Variants in USP9X observed in about 807,000 individuals in gnomAD.
USP9X encodes ubiquitin carboxyl-terminal hydrolase 9X.
Under a neutral mutation model 190.3 loss-of-function variants are expected in USP9X, and 7 were observed. The ratio of observed to expected loss-of-function variants is 0.04; its 90% CI spans 0.02 to 0.07. The LOEUF (loss-of-function observed/expected upper bound fraction) is 0.07, where lower values mean the gene tolerates loss of function less well. USP9X is among the 10% of genes least tolerant of loss of function. The pLI, the probability that USP9X is intolerant of heterozygous loss-of-function variation, is 1.00. For missense variants in USP9X, 1,010 were observed against 1,916.9 expected (o/e 0.53, Z 8.83); for synonymous variants, 645 against 659.5 (o/e 0.98, Z 0.34).
chrX:41,086,635 C>A (rs1001095965), intron 1 of USP9X, among the ~76,000 whole-genome samples: 1 of 112,376 alleles, frequency 8.9e-6, no homozygotes, highest in Non-Finnish European at 1.9e-5. Context: ...CGCCTCCCCC[C>A]ACCCTCCCGC....
At chrX:41,156,671 G>A (rs886112614) in intron 14 of USP9X, among the ~76,000 whole-genome samples, 3 of 111,751 alleles carry the variant, frequency 2.7e-5, no homozygotes, top group South Asian at 3.7e-4. Context: ...ATAATTTTGG[G>A]AGAAGTTAGC....
At chrX:41,091,427 G>A (rs1428576060) in intron 1 of USP9X, among the ~76,000 whole-genome samples, 1 of 111,789 alleles carries the variant, frequency 8.9e-6, no homozygotes, top group Non-Finnish European at 1.9e-5. Context: ...TCTCTATACA[G>A]TGTGTTTTTC....
chrX:41,095,367 T>C (rs780002672), intron 1 of USP9X, among the ~76,000 whole-genome samples: 24 of 110,911 alleles, frequency 2.2e-4, no homozygotes, highest in Admixed American at 1.1e-3. Context: ...TCAGGCAGGG[T>C]TTTTTAACCC....
At position 41,163,435 on chromosome X, in the gene USP9X, C is replaced by G. The variant is rs771318328; in HGVS notation, c.1985+558C>G. On this transcript the variant is annotated intron_variant, in intron 15 of 44. Transcript: ENST00000378308. ...TAGCGTTTGGTGATCATACACTTAA[C>G]AGATGTGCAAAGTGCCTTTGTTAAA... 9.4e-3 allele frequency among the ~76,000 whole-genome samples: 1,043 copies of G among 110,993 alleles called. 11 individuals carry two copies. Among genetic ancestry groups the G allele is most frequent in the African/African-American group, 0.033 (997 of 30,441 alleles).
Position 41,201,135 on chromosome X carries a change from A to G in USP9X, c.4679A>G (p.Lys1560Arg). ...CCACCCAAAGGATTCGTGGGGCTGA[A>G]AAATGCCGGTGCTACTTGTTACATG... is the stretch of plus-strand genomic sequence containing the variant. Reference protein sequence around the residue: ...PRPPKGFVGLKNAGATCYMNS... With the variant: ...PRPPKGFVGLRNAGATCYMNS... Residue 1560 changes from lysine (K) to arginine (R), a missense_variant, in exon 31 of 45, where the codon AAA becomes AGA. Physicochemically the swap from Lys to Arg is conservative, Grantham distance 26 (BLOSUM62 2). Transcript: ENST00000378308. 8.3e-7 allele frequency: 1 copy of G among 1,211,750 alleles called. No individual in the cohort carries two copies. Among genetic ancestry groups the G allele is most frequent in the South Asian group, 1.8e-5 (1 of 56,993 alleles).
intron 11 of USP9X, among the ~76,000 whole-genome samples, chrX:41,145,471 CAT>C (rs1341075606): frequency 9.0e-6 from 1 of 111,694 alleles, no homozygotes; most frequent in Non-Finnish European, 1.9e-5. Flanking sequence ...ATAGATAAAA[CAT>C]AGAATAGATA....
chrX:41,140,634 T>G (rs1418212405), intron 6 of USP9X, 22 bp from the exon 7 acceptor site: 5 of 1,150,289 alleles, frequency 4.3e-6, no homozygotes, highest in South Asian at 1.9e-5. Flanking sequence ...GAAGTTAACT[T>G]TTTTCATTAA....
At chrX:41,194,434 A>AT (rs2062964513) in intron 26 of USP9X, among the ~76,000 whole-genome samples, 2 of 110,964 alleles carry the variant, frequency 1.8e-5, no homozygotes, top group African/African-American at 6.6e-5. Context: ...TATACCTATA[A>AT]TCCCAACTAC....
At chrX:41,161,803 C>T (rs1675549133) in intron 14 of USP9X, among the ~76,000 whole-genome samples, 1 of 105,480 alleles carries the variant, frequency 9.5e-6, no homozygotes, top group African/African-American at 3.5e-5. Flanking sequence ...AGGCTGGTCT[C>T]GAACTCCTGG....
At chrX:41,204,347 C>T (rs1385145283) in intron 31 of USP9X, among the ~76,000 whole-genome samples, 2 of 110,491 alleles carry the variant, frequency 1.8e-5, no homozygotes, top group Admixed American at 1.9e-4. Context: ...CTTTTGTTGC[C>T]TGTACCTCTG....
At chrX:41,223,954 A>G (rs1367710523) in intron 39 of USP9X, among the ~76,000 whole-genome samples, 3 of 110,919 alleles carry the variant, frequency 2.7e-5, no homozygotes, top group African/African-American at 9.8e-5. Flanking sequence ...TGTAATCCCT[A>G]TGCTTTGGGG....
intron 1 of USP9X, among the ~76,000 whole-genome samples, chrX:41,113,451 G>A (rs922390744): frequency 9.0e-6 from 1 of 111,205 alleles, no homozygotes; most frequent in Non-Finnish European, 1.9e-5. Context: ...TGCCCGCCTC[G>A]GCCTCCCAAA....
intron 5 of USP9X, among the ~76,000 whole-genome samples, chrX:41,135,502 G>A (rs1331763718): frequency 9.0e-6 from 1 of 111,579 alleles, no homozygotes; most frequent in Non-Finnish European, 1.9e-5. Context: ...TTCCATTTAG[G>A]AAAACAGTAA....
intron 29 of USP9X, 31 bp from the exon 30 acceptor site, chrX:41,198,497 C>T: frequency 9.1e-7 from 1 of 1,100,067 alleles, no homozygotes; most frequent in Non-Finnish European, 1.2e-6. Context: ...TATAGCATTG[C>T]TAATATGTAA....
In USP9X at chrX:41,134,745, G is replaced by A; in HGVS notation, c.343G>A (p.Ala115Thr). ...CTTAGGCCTTGATGTTAAAAGTGAAGCATGTCAGCGATTTTTCCGTGATGG... is the reference window on the plus strand; with the variant it reads ...CTTAGGCCTTGATGTTAAAAGTGAAACATGTCAGCGATTTTTCCGTGATGG... The part of the protein sequence containing the change: ...SKKGLDVKSE[A>T]CQRFFRDGLT... Residue 115 changes from alanine (A) to threonine (T), a missense_variant, in exon 5 of 45, where the codon GCA becomes ACA. Physicochemically the swap from Ala to Thr is moderately conservative, Grantham distance 58 (BLOSUM62 0). Transcript: ENST00000378308. 4.1e-6 allele frequency: 5 copies of A among 1,208,496 alleles called. No individual in the cohort carries two copies. The highest frequency in any genetic ancestry group is 5.6e-6 in the Non-Finnish European group (5 of 893,556).
Position 41,197,352 on chromosome X carries a change from C to CCCCCCGGGGGCG in USP9X, c.4234-12_4234-11insCCCCCGGGGGCG. On this transcript the variant is annotated splice_polypyrimidine_tract_variant and intron_variant, in intron 28 of 44. Coordinates refer to ENST00000378308, the MANE Select transcript of USP9X (RefSeq NM_001039591.3). ...TTCTTCCCCCCCCCACCCCACCCCC[C>CCCCCCGGGGGCG]GCCTTTGGCAGGATGATGTTAAAAG... 1 of 988,211 alleles carries CCCCCCGGGGGCG rather than the reference C, an allele frequency of 1.0e-6. No individual in the cohort carries two copies. 81.4% of individuals were successfully genotyped at this position (988,211 alleles called of 1,213,427 possible).
At chrX:41,147,979 G>A (rs1171768770) in intron 11 of USP9X, among the ~76,000 whole-genome samples, 1 of 111,068 alleles carries the variant, frequency 9.0e-6, no homozygotes, top group Non-Finnish European at 1.9e-5. Flanking sequence ...TCGAACCATA[G>A]CAGTAACTTT....
chrX:41,220,999 C>T (rs1353840543), intron 38 of USP9X, among the ~76,000 whole-genome samples: 1 of 106,722 alleles, frequency 9.4e-6, no homozygotes, highest in East Asian at 2.9e-4. Flanking sequence ...CGCGGTGGCT[C>T]ACGTCTGTAA....
chrX:41,163,041 TGA>T (rs1472127117), intron 15 of USP9X, among the ~76,000 whole-genome samples, 164 bp downstream of exon 15: 1 of 112,542 alleles, frequency 8.9e-6, no homozygotes, highest in Non-Finnish European at 1.9e-5. Flanking sequence ...AATGATTCGC[TGA>T]GTTTTAACTT....
Sources: allele counts gnomAD v4.1 joint callset (sites outside exome capture counted in the v4.1 genomes callset), GRCh38; gene constraint gnomAD v4.1.1; transcripts MANE v1.5; gene names NCBI Gene and HGNC (gene_info 2026-07-23, HGNC 2026-07-21).